Variants in ZNF793 observed in about 807,000 individuals in gnomAD.
The protein encoded by ZNF793 is zinc finger protein 793.
Under a neutral mutation model 12.4 loss-of-function variants are expected in ZNF793, and 5 were observed. That is an observed-to-expected ratio of 0.40 (90% CI 0.21 to 0.84). The LOEUF (loss-of-function observed/expected upper bound fraction) is 0.84, where lower values mean the gene tolerates loss of function less well. ZNF793 is among the 40% of genes least tolerant of loss of function. The pLI, the probability that ZNF793 is intolerant of heterozygous loss-of-function variation, is 0.35. For synonymous variants in ZNF793, 162 were observed against 172.4 expected (o/e 0.94, Z 0.47); for missense variants, 456 against 495.0 (o/e 0.92, Z 0.75).
At chr19:37,526,670 C>T (rs1321512655) in intron 5 of ZNF793, among the ~76,000 whole-genome samples, 1 of 152,196 alleles carries the variant, frequency 6.6e-6, no homozygotes, top group Non-Finnish European at 1.5e-5. Flanking sequence ...ATGGCCCCTG[C>T]CCTGCTTTTG....
intron 7 of ZNF793, chr19:37,533,739 C>T (rs981393838): frequency 8.7e-6 from 4 of 457,476 alleles, no homozygotes; most frequent in East Asian, 6.6e-5. Context: ...TTCAGAGCTA[C>T]CTGCTTTCCC....
chr19:37,517,580 G>A (rs57198915), intron 2 of ZNF793, among the ~76,000 whole-genome samples: 398 of 152,212 alleles, frequency 2.6e-3, no homozygotes, highest in African/African-American at 9.3e-3. Flanking sequence ...CAGGCTAGTC[G>A]GGTCTGTATC....
In ZNF793 at chr19:37,537,492, T is replaced by C; in HGVS notation, c.834T>C (p.Thr278=). ...STLIKHQRIH[T]GVRPFECFFC... is the part of the protein sequence containing the mutation. ...TCATCAAACACCAGAGAATTCACAC[T>C]GGGGTAAGACCCTTTGAATGTTTTT... The change falls in exon 8 of 8, where the codon ACT becomes ACC. Residue 278 remains threonine, a synonymous_variant. Transcript: ENST00000627814. The C allele has an allele frequency of 6.2e-7, 1 of 1,614,072 alleles. No individual in the cohort carries two copies. Among genetic ancestry groups the C allele is most frequent in the East Asian group, 2.2e-5 (1 of 44,884 alleles).
chr19:37,537,571 C>T lies in ZNF793; in HGVS notation c.913C>T (p.His305Tyr), dbSNP rs745637419. 4 of 1,614,058 alleles carry T rather than the reference C, an allele frequency of 2.5e-6. No homozygotes were observed. The African/African-American group carries it at 4.0e-5, about 16-fold the overall frequency. ...KSHRTEHQRT[H>Y]TGERPFVCSE... Reference sequence around the variant, plus strand: ...ACACCGCACAGAACATCAGAGAACACACACAGGAGAGAGACCCTTTGTCTG... The same window carrying T: ...ACACCGCACAGAACATCAGAGAACATACACAGGAGAGAGACCCTTTGTCTG... The change falls in exon 8 of 8, where the codon CAC (histidine) becomes TAC (tyrosine). Residue 305 changes from histidine (H) to tyrosine (Y), a missense_variant. By Grantham distance (83) the His-to-Tyr change is moderately conservative. Transcript: ENST00000627814.
intron 7 of ZNF793, chr19:37,535,021 G>T (rs570643439): frequency 1.3e-5 from 2 of 152,122 alleles, no homozygotes; most frequent in South Asian, 4.1e-4. Context: ...TTCAGATGAA[G>T]TCTTGTTCTG....
chr19:37,531,043 A>G (rs1433547853), intron 5 of ZNF793, among the ~76,000 whole-genome samples: 1 of 152,204 alleles, frequency 6.6e-6, no homozygotes, highest in Non-Finnish European at 1.5e-5. Flanking sequence ...ATTTAGAGTT[A>G]TCATTATACC....
chr19:37,512,712 A>G (rs1044044346), intron 2 of ZNF793, among the ~76,000 whole-genome samples: 5 of 152,172 alleles, frequency 3.3e-5, no homozygotes, highest in Admixed American at 2.6e-4. Context: ...TGTGATCACA[A>G]TAATTAACTA....
At chr19:37,515,980 G>T (rs1002634017) in intron 2 of ZNF793, among the ~76,000 whole-genome samples, 3 of 150,348 alleles carry the variant, frequency 2.0e-5, no homozygotes, top group African/African-American at 7.3e-5. Flanking sequence ...TGAAAAATAA[G>T]TAACAAGAGG....
chr19:37,524,565 G>A (rs1467555624), intron 5 of ZNF793, among the ~76,000 whole-genome samples: 3 of 152,202 alleles, frequency 2.0e-5, no homozygotes, highest in Non-Finnish European at 4.4e-5. Flanking sequence ...GATTTGTACT[G>A]TTTATAAGGA....
chr19:37,532,788 T>C (rs183646906), intron 6 of ZNF793, among the ~76,000 whole-genome samples: 10 of 152,106 alleles, frequency 6.6e-5, no homozygotes, highest in Admixed American at 3.3e-4. Flanking sequence ...CATTGCACTC[T>C]AGCCTGGGCA....
intron 4 of ZNF793, 136 bp downstream of exon 4, chr19:37,522,783 C>A (rs1163345972): frequency 6.6e-6 from 1 of 152,146 alleles, no homozygotes; most frequent in African/African-American, 2.4e-5. Flanking sequence ...TATCAGGAGG[C>A]ACATGATGTC....
rs562648862 is a variant in ZNF793 at position 37,530,538 on chromosome 19, G to A, written c.16-1818G>A. 1.9e-3 allele frequency among the ~76,000 whole-genome samples: 290 copies of A among 152,272 alleles called. 1 individual carries two copies. The highest frequency in any genetic ancestry group is 6.8e-3 in the African/African-American group (281 of 41,546). On this transcript the variant is annotated intron_variant, in intron 5 of 7. Transcript: ENST00000627814. ...AGTGGTGATGACTCTTAAGGAGCAT[G>A]CTGCCTTCAAGCATCTGTTTAACAA...
chr19:37,533,571 T>C, intron 7 of ZNF793, 168 bp downstream of exon 7: 1 of 607,080 alleles, frequency 1.6e-6, no homozygotes, highest in African/African-American at 1.9e-5. Flanking sequence ...AGTGTTTTTC[T>C]CGGCTCTACT....
intron 2 of ZNF793, among the ~76,000 whole-genome samples, chr19:37,517,302 T>C (rs375912504): frequency 1.3e-5 from 2 of 152,080 alleles, no homozygotes; most frequent in South Asian, 4.2e-4. Context: ...CAGCTGGAGG[T>C]GATTTTAGTA....
rs1186764521 is a variant in ZNF793 at position 37,542,844 on chromosome 19, A to G, written c.*4965A>G. On this transcript the variant is annotated 3_prime_UTR_variant, in exon 8 of 8. Coordinates refer to ENST00000627814, the MANE Select transcript of ZNF793 (RefSeq NM_001013659.3). ...TATCTATATATGTTTATTTGATTTTATGTGCATGAAGAAAAGTATAGAAGA... is the reference window on the plus strand; with the variant it reads ...TATCTATATATGTTTATTTGATTTTGTGTGCATGAAGAAAAGTATAGAAGA... 6.5e-6 allele frequency: 1 copy of G among 154,434 alleles called. No homozygotes were observed. Among genetic ancestry groups the G allele is most frequent in the East Asian group, 1.9e-4 (1 of 5,304 alleles). 9.6% of individuals were successfully genotyped at this position (154,434 alleles called of 1,614,324 possible). A position where few individuals can be genotyped will look rare whatever the true frequency, so the allele number is the denominator to read the frequency against.
At position 37,511,004 on chromosome 19, in the gene ZNF793, T is replaced by C. The variant is rs1056350001; in HGVS notation, c.-276+2601T>C. On this transcript the variant is annotated intron_variant, in intron 2 of 7. Coordinates refer to ENST00000627814, the MANE Select transcript of ZNF793 (RefSeq NM_001013659.3). ...GAGCCACCACACCCGGCCAAAAAATTCTTTAAAAAAATTGAGGCATAATAC... is the reference window on the plus strand; with the variant it reads ...GAGCCACCACACCCGGCCAAAAAATCCTTTAAAAAAATTGAGGCATAATAC... 7.9e-5 allele frequency among the ~76,000 whole-genome samples: 12 copies of C among 151,940 alleles called. No homozygotes were observed. The South Asian group carries it at 8.3e-4, about 11-fold the overall frequency.
rs914235663 is a variant in ZNF793 at position 37,540,625 on chromosome 19, A to C, written c.*2746A>C. 1 of 151,292 alleles carries C rather than the reference A, an allele frequency of 6.6e-6. No individual in the cohort carries two copies. The highest frequency in any genetic ancestry group is 2.1e-4 in the South Asian group (1 of 4,804). The allele number at this position is 151,292 out of a possible 1,614,324, so 9.4% of individuals were successfully genotyped here. A position where few individuals can be genotyped will look rare whatever the true frequency, so the allele number is the denominator to read the frequency against. Reference sequence around the variant, plus strand: ...GCCAAAGCCATTTTTTAAAATCAGGAATTCAATATTGGCTTAGAGATTCCA... The same window carrying C: ...GCCAAAGCCATTTTTTAAAATCAGGCATTCAATATTGGCTTAGAGATTCCA... On this transcript the variant is annotated 3_prime_UTR_variant, in exon 8 of 8. Coordinates refer to ENST00000627814, the MANE Select transcript of ZNF793 (RefSeq NM_001013659.3).
Position 37,538,952 on chromosome 19 carries a change from A to C in ZNF793, c.*1073A>C, listed in dbSNP as rs2042533452. 1 of 152,222 alleles carries C rather than the reference A, an allele frequency of 6.6e-6. No homozygotes were observed. Among genetic ancestry groups the C allele is most frequent in the African/African-American group, 2.4e-5 (1 of 41,456 alleles). 9.4% of individuals were successfully genotyped at this position (152,222 alleles called of 1,614,324 possible). A position where few individuals can be genotyped will look rare whatever the true frequency, so the allele number is the denominator to read the frequency against. ...TGTCTTTTGATGTCTTAACAATACA[A>C]AAAAATAACAACAACATGGCCCACT... On this transcript the variant is annotated 3_prime_UTR_variant, in exon 8 of 8. Coordinates refer to ENST00000627814, the MANE Select transcript of ZNF793 (RefSeq NM_001013659.3).
At chr19:37,512,422 G>A (rs1334446209) in intron 2 of ZNF793, among the ~76,000 whole-genome samples, 1 of 152,086 alleles carries the variant, frequency 6.6e-6, no homozygotes. Flanking sequence ...GGCTGAGGCA[G>A]GAGAATCACT....
Sources: gnomAD v4.1 joint callset for allele counts (sites outside exome capture counted in the v4.1 genomes callset) on GRCh38, gnomAD v4.1.1 for gene constraint, MANE v1.5 for transcripts, NCBI Gene and HGNC (gene_info 2026-07-23, HGNC 2026-07-21) for gene names.